The following SNX29 variants were observed in gnomAD, a reference collection of about 807,000 sequenced individuals.
SNX29 encodes sorting nexin-29.
SNX29 carries 78 observed loss-of-function variants against 102.1 expected under a neutral mutation model. The ratio of observed to expected loss-of-function variants is 0.76; its 90% CI spans 0.64 to 0.92. The LOEUF (loss-of-function observed/expected upper bound fraction) is 0.92, where lower values mean the gene tolerates loss of function less well. Among genes scored for constraint, SNX29 ranks in the 40% least tolerant of loss-of-function variants. The pLI, the probability that SNX29 is intolerant of heterozygous loss-of-function variation, is 0.00. For missense variants in SNX29, 1,280 were observed against 1,061.7 expected (o/e 1.21, Z -2.86); for synonymous variants, 580 against 414.5 (o/e 1.40, Z -4.85).
At chr16:11,978,763 C>T (rs939042963) in intron 1 of SNX29, among the ~76,000 whole-genome samples, 9 of 151,946 alleles carry the variant, frequency 5.9e-5, no homozygotes, top group African/African-American at 2.2e-4. Flanking sequence ...GTTTATCTTT[C>T]AAGGAGAAAT....
intron 15 of SNX29, among the ~76,000 whole-genome samples, chr16:12,309,874 T>C (rs1202472888): frequency 1.3e-5 from 2 of 152,126 alleles, no homozygotes; most frequent in Non-Finnish European, 2.9e-5. Context: ...TGGTCTGAAG[T>C]CTGTGTGTAT....
chr16:12,399,366 A>T (rs1394710981), intron 17 of SNX29, among the ~76,000 whole-genome samples: 1 of 152,080 alleles, frequency 6.6e-6, no homozygotes, highest in African/African-American at 2.4e-5. Flanking sequence ...TTTGTTCAGG[A>T]TTTCTTGGGC....
intron 11 of SNX29, among the ~76,000 whole-genome samples, chr16:12,109,791 C>T (rs185235927): frequency 1.3e-5 from 2 of 151,832 alleles, no homozygotes; most frequent in East Asian, 1.9e-4. Flanking sequence ...AGTGCAGTGG[C>T]GCAATCTTGG....
intron 13 of SNX29, chr16:12,135,559 G>A (rs74790544): frequency 0.036 from 47,199 of 1,328,904 alleles, 1,137 homozygotes; most frequent in East Asian, 0.15. Context: ...AGCTATCTTT[G>A]CTATTTTGTG....
chr16:11,984,373 T>C (rs1156712246), intron 1 of SNX29, among the ~76,000 whole-genome samples: 62 of 5,184 alleles, frequency 0.012, no homozygotes, highest in Admixed American at 0.025. Context: ...AGACCCTGTC[T>C]CAAAAAAAAA....
intron 15 of SNX29, among the ~76,000 whole-genome samples, chr16:12,293,663 T>C (rs1028786022): frequency 6.6e-6 from 1 of 152,228 alleles, no homozygotes; most frequent in African/African-American, 2.4e-5. Context: ...ATCCAATAGC[T>C]TGGTAGAAAG....
intron 13 of SNX29, among the ~76,000 whole-genome samples, chr16:12,171,002 T>G (rs149746830): frequency 6.6e-6 from 1 of 152,096 alleles, no homozygotes; most frequent in Non-Finnish European, 1.5e-5. Flanking sequence ...GGGCGCAGCG[T>G]GATTTTACAT....
intron 16 of SNX29, 125 bp downstream of exon 16, chr16:12,356,404 C>G: frequency 1.3e-6 from 1 of 746,588 alleles, no homozygotes; most frequent in Non-Finnish European, 2.2e-6. Context: ...ACATTCACCT[C>G]TGCCACATTT....
intron 15 of SNX29, among the ~76,000 whole-genome samples, chr16:12,279,709 C>T (rs1388487543): frequency 1.3e-5 from 2 of 152,248 alleles, no homozygotes; most frequent in Non-Finnish European, 1.5e-5. Context: ...CACCTCTGTA[C>T]GTTCCACAGC....
chr16:12,008,214 G>C (rs1018283729), intron 3 of SNX29, among the ~76,000 whole-genome samples: 9 of 152,098 alleles, frequency 5.9e-5, no homozygotes, highest in African/African-American at 2.2e-4. Flanking sequence ...AAAGTGCTGG[G>C]ATTACAGGCG....
intron 20 of SNX29, among the ~76,000 whole-genome samples, chr16:12,559,627 G>A (rs1057158618): frequency 6.6e-6 from 1 of 151,954 alleles, no homozygotes; most frequent in Non-Finnish European, 1.5e-5. Flanking sequence ...CCTTGCACAT[G>A]GCCCTGTATC....
intron 8 of SNX29, chr16:12,052,526 A>T: frequency 2.9e-6 from 1 of 340,888 alleles, no homozygotes; most frequent in Non-Finnish European, 5.6e-6. Flanking sequence ...CTTCCCTTGC[A>T]CTTTTAATGA....
At chr16:12,136,019 C>T (rs2054645982) in intron 13 of SNX29, among the ~76,000 whole-genome samples, 1 of 152,212 alleles carries the variant, frequency 6.6e-6, no homozygotes, top group African/African-American at 2.4e-5. Context: ...CTCGCAGTTA[C>T]TCTTCTGTCG....
intron 14 of SNX29, among the ~76,000 whole-genome samples, chr16:12,220,190 G>T (rs1285503243): frequency 1.3e-5 from 2 of 152,210 alleles, no homozygotes; most frequent in Non-Finnish European, 2.9e-5. Context: ...GAAGCTTGGG[G>T]TGCAGGTGTG....
chr16:12,555,882 C>A (rs1290078568), intron 20 of SNX29, among the ~76,000 whole-genome samples: 2 of 152,182 alleles, frequency 1.3e-5, no homozygotes, highest in Admixed American at 1.3e-4. Context: ...GCCGTGCTTT[C>A]TGCCCTCCTG....
At chr16:12,054,314 T>G (rs183214306) in intron 8 of SNX29, among the ~76,000 whole-genome samples, 75 of 152,364 alleles carry the variant, frequency 4.9e-4, no homozygotes, top group African/African-American at 1.7e-3. Flanking sequence ...AATATTGATT[T>G]GTTGATGTAA....
chr16:11,995,915 C>T (rs1405166795), intron 1 of SNX29, among the ~76,000 whole-genome samples: 1 of 152,042 alleles, frequency 6.6e-6, no homozygotes, highest in Non-Finnish European at 1.5e-5. Flanking sequence ...CAAAAATTAG[C>T]CGGGCGTGGT....
intron 11 of SNX29, among the ~76,000 whole-genome samples, chr16:12,115,198 C>T (rs1005061146): frequency 4.6e-5 from 7 of 152,088 alleles, no homozygotes; most frequent in African/African-American, 1.7e-4. Context: ...TTCAGCCCCC[C>T]TCGCTGCTTT....
intron 13 of SNX29, among the ~76,000 whole-genome samples, chr16:12,177,850 C>T (rs909118773): frequency 3.3e-5 from 5 of 152,090 alleles, no homozygotes; most frequent in Non-Finnish European, 7.4e-5. Flanking sequence ...GATAGCAGTC[C>T]GACAATCAGA....
Sources: gnomAD v4.1 joint callset for allele counts (sites outside exome capture counted in the v4.1 genomes callset) on GRCh38, gnomAD v4.1.1 for gene constraint, MANE v1.5 for transcripts, NCBI Gene and HGNC (gene_info 2026-07-23, HGNC 2026-07-21) for gene names.